The following MAGI2 variants were observed in gnomAD, a reference collection of about 807,000 sequenced individuals.
MAGI2 encodes the protein membrane associated guanylate kinase, WW and PDZ domain containing 2, also known as membrane-associated guanylate kinase, WW and PDZ domain-containing protein 2.
A neutral mutation model predicts 133.3 loss-of-function variants in MAGI2; 35 were observed. The observed-to-expected ratio is 0.26, with a 90% confidence interval of 0.20 to 0.35. MAGI2 has a LOEUF of 0.35. Ranked by LOEUF, MAGI2 falls within the 10% of genes least tolerant of loss-of-function variation. MAGI2 has a pLI of 1.00. For missense variants in MAGI2, 1,636 were observed against 1,863.4 expected, an observed-to-expected ratio of 0.88 and a Z score of 2.25; for synonymous variants, 729 against 710.6, an observed-to-expected ratio of 1.03 and a Z score of -0.41.
intron 9 of MAGI2, among the ~76,000 whole-genome samples, chr7:78,322,675 G>C (rs1340480457): frequency 6.6e-6 from 1 of 151,896 alleles, no homozygotes; most frequent in Non-Finnish European, 1.5e-5. Context: ...CAGTTTGATG[G>C]GTCCAGCAAA....
At chr7:78,162,433 G>T (rs1825140289) in intron 15 of MAGI2, among the ~76,000 whole-genome samples, 1 of 150,490 alleles carries the variant, frequency 6.6e-6, no homozygotes, top group Non-Finnish European at 1.5e-5. Context: ...GCTGAGGCAG[G>T]AGAATTGCGT....
intron 3 of MAGI2, among the ~76,000 whole-genome samples, chr7:78,560,013 A>T (rs1321534328): frequency 6.6e-6 from 1 of 152,166 alleles, no homozygotes; most frequent in Non-Finnish European, 1.5e-5. Flanking sequence ...AGACAAAAGG[A>T]AATATTCACC....
At chr7:78,210,312 T>C (rs914543122) in intron 10 of MAGI2, among the ~76,000 whole-genome samples, 2 of 152,072 alleles carry the variant, frequency 1.3e-5, no homozygotes, top group African/African-American at 2.4e-5. Context: ...GGGTGAGGAA[T>C]GTAGGATACA....
chr7:78,539,852 T>A (rs1414598503), intron 3 of MAGI2, among the ~76,000 whole-genome samples: 1 of 152,196 alleles, frequency 6.6e-6, no homozygotes, highest in Non-Finnish European at 1.5e-5. Context: ...CTGTGCTGGT[T>A]TTCTTGAATG....
At chr7:78,609,516 TATGAGTGCCTAC>T (rs1426093497) in intron 3 of MAGI2, among the ~76,000 whole-genome samples, 2 of 152,230 alleles carry the variant, frequency 1.3e-5, no homozygotes, top group African/African-American at 4.8e-5. Context: ...ATTTTCTTAG[TATGAGTGCCTAC>T]ATGCACAAAC....
At chr7:79,001,787 C>T (rs566734617) in intron 2 of MAGI2, among the ~76,000 whole-genome samples, 31 of 152,248 alleles carry the variant, frequency 2.0e-4, no homozygotes, top group African/African-American at 7.5e-4. Flanking sequence ...ACCCAAGAGA[C>T]AATGCATGCT....
chr7:78,865,496 ATGT>A (rs1326973827), intron 2 of MAGI2, among the ~76,000 whole-genome samples: 1 of 152,208 alleles, frequency 6.6e-6, no homozygotes, highest in Non-Finnish European at 1.5e-5. Flanking sequence ...GGTAGATAGC[ATGT>A]TGTCTGTGGT....
chr7:78,476,524 A>G (rs1167768353), intron 6 of MAGI2, among the ~76,000 whole-genome samples: 1 of 151,996 alleles, frequency 6.6e-6, no homozygotes, highest in Non-Finnish European at 1.5e-5. Flanking sequence ...GGACAAACAC[A>G]ATCAACACAA....
intron 2 of MAGI2, among the ~76,000 whole-genome samples, chr7:78,818,687 C>T (rs1436964375): frequency 6.6e-6 from 1 of 152,086 alleles, no homozygotes; most frequent in Non-Finnish European, 1.5e-5. Flanking sequence ...GATGTTCCCT[C>T]GTTGGGCAAG....
rs144644425 is a variant in MAGI2, at chr7:78,638,746, GGAA to G, written c.419-11510_419-11508del. On this transcript the variant is annotated intron_variant, in intron 2 of 21. Transcript: ENST00000354212. Reference sequence around the variant, plus strand: ...AATTTCCTGAATTTTTTAAGAGACTGGAAGAAGACAAATGACCCTTTTGTTACC... The same window carrying G: ...AATTTCCTGAATTTTTTAAGAGACTGGAAGACAAATGACCCTTTTGTTACC... Among the ~76,000 whole-genome samples the G allele has an allele frequency of 4.7e-4, 71 of 152,196 alleles. 1 individual carries two copies. The East Asian group carries it at 6.8e-3, about 14-fold the overall frequency.
intron 1 of MAGI2, among the ~76,000 whole-genome samples, chr7:79,048,846 T>C (rs565139093): frequency 8.5e-5 from 13 of 152,196 alleles, no homozygotes; most frequent in African/African-American, 2.6e-4. Flanking sequence ...TGGTGACACA[T>C]GCCTGGTGGT....
At chr7:78,371,443 G>C (rs1585035430) in intron 6 of MAGI2, among the ~76,000 whole-genome samples, 1 of 151,846 alleles carries the variant, frequency 6.6e-6, no homozygotes, top group African/African-American at 2.4e-5. Context: ...TAAACATAAA[G>C]AGTAAAAGCC....
chr7:78,383,362 T>A (rs759118131), intron 6 of MAGI2, among the ~76,000 whole-genome samples: 2 of 152,108 alleles, frequency 1.3e-5, no homozygotes, highest in Non-Finnish European at 2.9e-5. Flanking sequence ...CTCTGACGAT[T>A]AGTGATACTG....
At chr7:79,112,751 T>C (rs1485481575) in intron 1 of MAGI2, among the ~76,000 whole-genome samples, 1 of 152,152 alleles carries the variant, frequency 6.6e-6, no homozygotes, top group Non-Finnish European at 1.5e-5. Context: ...ATTATAGGAG[T>C]TATTTGCATG....
At chr7:78,955,780 T>TC (rs1429300859) in intron 2 of MAGI2, among the ~76,000 whole-genome samples, 6 of 149,746 alleles carry the variant, frequency 4.0e-5, no homozygotes, top group African/African-American at 1.5e-4. Flanking sequence ...TTTCTTTCTT[T>TC]CTTTCTTTCA....
At chr7:78,122,741 T>C (rs1226651558) in intron 20 of MAGI2, among the ~76,000 whole-genome samples, 1 of 152,244 alleles carries the variant, frequency 6.6e-6, no homozygotes, top group African/African-American at 2.4e-5. Flanking sequence ...CTCAGATTTT[T>C]ATTTAAGCAC....
chr7:78,280,605 A>G (rs1247661364), intron 9 of MAGI2, among the ~76,000 whole-genome samples: 1 of 152,140 alleles, frequency 6.6e-6, no homozygotes, highest in Non-Finnish European at 1.5e-5. Context: ...ACATATAAGT[A>G]TCACTACCTC....
chr7:79,411,739 A>G (rs111251327), intron 1 of MAGI2: 4 of 152,098 alleles, frequency 2.6e-5, no homozygotes, highest in African/African-American at 9.6e-5. Context: ...GGAAAATAAC[A>G]CCCCTTTCTT....
chr7:79,368,771 C>G (rs1017618099), intron 1 of MAGI2, among the ~76,000 whole-genome samples: 1 of 146,510 alleles, frequency 6.8e-6, no homozygotes, highest in Non-Finnish European at 1.5e-5. Flanking sequence ...TGGCGTGAAC[C>G]CGGGAGGCGG....
Sources: allele counts gnomAD v4.1 joint callset (sites outside exome capture counted in the v4.1 genomes callset), GRCh38; gene constraint gnomAD v4.1.1; transcripts MANE v1.5; gene names NCBI Gene and HGNC (gene_info 2026-07-23, HGNC 2026-07-21).